The following CACNA1A variants were observed in gnomAD, a reference collection of about 807,000 sequenced individuals.
The protein encoded by CACNA1A is calcium voltage-gated channel subunit alpha1 A.
In CACNA1A, 57 loss-of-function variants were observed where a neutral mutation model predicts 262.4. That is an observed-to-expected ratio of 0.22 (90% CI 0.18 to 0.27). The LOEUF (loss-of-function observed/expected upper bound fraction) is 0.27, where lower values mean the gene tolerates loss of function less well. Among genes scored for constraint, CACNA1A ranks in the 10% least tolerant of loss-of-function variants. The probability of loss-of-function intolerance (pLI) is 1.00; values close to 1 mark genes in which losing one functional copy is unlikely to be tolerated. For synonymous variants in CACNA1A, 1,431 were observed against 1,419.3 expected (o/e 1.01, Z -0.18); for missense variants, 2,526 against 3,562.8 (o/e 0.71, Z 7.41).
chr19:13,234,756 C>T lies in CACNA1A; in HGVS notation c.5249+165G>A, dbSNP rs561817562. 6 of 425,830 alleles carry T rather than the reference C, an allele frequency of 1.4e-5. No individual in the cohort carries two copies. The Admixed American group carries it at 1.5e-4, about 10-fold the overall frequency. The allele number at this position is 425,830 out of a possible 1,614,324, so 26.4% of individuals were successfully genotyped here. ...TCCCCTACCGGAAGAGAAGGGCACG[C>T]CCCCTACCGGAAAAGAAGGGTGAGG... On this transcript the variant is annotated intron_variant, in intron 34 of 46. Transcript: ENST00000360228.
chr19:13,410,934 G>A (rs939720338), intron 3 of CACNA1A, among the ~76,000 whole-genome samples: 13 of 152,128 alleles, frequency 8.5e-5, no homozygotes, highest in Non-Finnish European at 1.9e-4. Flanking sequence ...CTTTAATGAT[G>A]GAGAGTAAGC....
In CACNA1A at chr19:13,420,591, G is replaced by T. The variant is rs1393538410; in HGVS notation, c.539+32285C>A. On this transcript the variant is annotated intron_variant, in intron 3 of 46. Coordinates refer to ENST00000360228, the MANE Select transcript of CACNA1A (RefSeq NM_001127222.2). ...CAAGGGTTGCCAGGAGCCACCAGAA[G>T]AGGCAAGGAAGAATTCTTTCCTAGA... Among the ~76,000 whole-genome samples, 4 of 152,160 alleles carry T rather than the reference G, an allele frequency of 2.6e-5. No individual in the cohort carries two copies. In the East Asian group the frequency reaches 7.7e-4, roughly 29 times the overall value.
intron 28 of CACNA1A, 51 bp from the exon 29 acceptor site, chr19:13,255,310 C>T: frequency 2.7e-6 from 4 of 1,507,506 alleles, no homozygotes; most frequent in Non-Finnish European, 3.6e-6. Flanking sequence ...AGGAAGGTGG[C>T]TGTACACCGG....
chr19:13,295,221 C>T (rs2057638463), intron 19 of CACNA1A, among the ~76,000 whole-genome samples: 2 of 152,062 alleles, frequency 1.3e-5, no homozygotes, highest in Non-Finnish European at 2.9e-5. Flanking sequence ...AAGATTGAAG[C>T]GAAAGAATGA....
rs1270741276 is a variant in CACNA1A, at chr19:13,334,524, C to T, written c.1083-31G>A. On this transcript the variant is annotated intron_variant, in intron 7 of 46. Coordinates refer to ENST00000360228, the MANE Select transcript of CACNA1A (RefSeq NM_001127222.2). ...GAAGCATAGAAAAGCCAGAGTATGG[C>T]TGTTTTGAAAATGTTAGGAAACGTT... The T allele has an allele frequency of 2.5e-6, 3 of 1,188,646 alleles. No homozygotes were observed. In the African/African-American group the frequency reaches 4.6e-5, roughly 18 times the overall value. The allele number at this position is 1,188,646 out of a possible 1,614,324, so 73.6% of individuals were successfully genotyped here. A position where few individuals can be genotyped will look rare whatever the true frequency, so the allele number is the denominator to read the frequency against.
intron 38 of CACNA1A, among the ~76,000 whole-genome samples, chr19:13,215,611 C>G (rs576003297): frequency 1.4e-5 from 2 of 138,912 alleles, no homozygotes; most frequent in African/African-American, 5.4e-5. Context: ...TGAGCCACCG[C>G]GTCTGGCCTG....
At chr19:13,484,651 G>A (rs536559503) in intron 1 of CACNA1A, among the ~76,000 whole-genome samples, 5 of 152,240 alleles carry the variant, frequency 3.3e-5, no homozygotes, top group African/African-American at 9.6e-5. Flanking sequence ...AGCAACCAGT[G>A]GAACTATTCA....
chr19:13,285,273 G>A (rs2057375095), intron 20 of CACNA1A, 67 bp from the exon 21 acceptor site: 4 of 1,583,408 alleles, frequency 2.5e-6, no homozygotes, highest in South Asian at 1.1e-5. Flanking sequence ...GAACTCCTGT[G>A]TACTCCCAGG....
In CACNA1A at chr19:13,317,182, C is replaced by G. The variant is rs770284756; in HGVS notation, c.1485G>C (p.Leu495Phe). The change falls in exon 11 of 47, where the codon TTG becomes TTC. Residue 495 changes from leucine to phenylalanine, a missense_variant. Leu to Phe is a conservative substitution (Grantham distance 22, BLOSUM62 0). Around this residue, in one of 17 missense-constraint regions of CACNA1A, gnomAD observed 102 missense variants for 278.9 expected, o/e 0.37. Transcript: ENST00000360228. ...CAACACACAGCGTGTTGAGAGCTACCAAACTGAGTACAGTCCAGTAGAAGG... is the reference window on the plus strand; with the variant it reads ...CAACACACAGCGTGTTGAGAGCTACGAAACTGAGTACAGTCCAGTAGAAGG... ...TQAFYWTVLS[L>F]VALNTLCVAI... is the part of the protein sequence containing the mutation. 1 of 1,613,558 alleles carries G rather than the reference C, an allele frequency of 6.2e-7. No individual in the cohort carries two copies. The highest frequency in any genetic ancestry group is 1.1e-5 in the South Asian group (1 of 91,028).
chr19:13,226,168 G>A (rs10413336), intron 37 of CACNA1A: 22,059 of 148,916 alleles, frequency 0.15, 1,788 homozygotes, highest in Non-Finnish European at 0.17. Flanking sequence ...ACAAAGACCA[G>A]GAGAGGAAGG....
At chr19:13,220,264 G>A (rs1369440261) in intron 38 of CACNA1A, among the ~76,000 whole-genome samples, 2 of 149,262 alleles carry the variant, frequency 1.3e-5, no homozygotes, top group Non-Finnish European at 3.0e-5. Flanking sequence ...TCTGTCTCAA[G>A]AAAAAAAAAA....
rs1458428330 is a variant in CACNA1A at position 13,441,895 on chromosome 19, G to A, written c.539+10981C>T. Among the ~76,000 whole-genome samples the A allele has an allele frequency of 2.6e-5, 4 of 152,250 alleles. No homozygotes were observed. In the East Asian group the frequency reaches 7.7e-4, roughly 29 times the overall value. On this transcript the variant is annotated intron_variant, in intron 3 of 46. Coordinates refer to ENST00000360228, the MANE Select transcript of CACNA1A (RefSeq NM_001127222.2). The stretch of plus-strand genomic sequence containing the variant: ...AAGACCTCAGTCGGCCCCCAAACCT[G>A]CGGAGAGATGGATGGCAAGGTCTTC...
intron 3 of CACNA1A, among the ~76,000 whole-genome samples, chr19:13,392,255 G>A (rs2059723822): frequency 6.6e-6 from 1 of 151,974 alleles, no homozygotes; most frequent in African/African-American, 2.4e-5. Flanking sequence ...GAGAAGAATG[G>A]GAAACTTAGT....
intron 27 of CACNA1A, chr19:13,257,759 T>TG: frequency 2.4e-6 from 1 of 413,550 alleles, no homozygotes; most frequent in Admixed American, 4.0e-5. Flanking sequence ...TTTTTTGAGA[T>TG]GGAGTTTCGC....
intron 30 of CACNA1A, among the ~76,000 whole-genome samples, chr19:13,247,803 C>A (rs1481158587): frequency 6.6e-6 from 1 of 152,188 alleles, no homozygotes; most frequent in Non-Finnish European, 1.5e-5. Flanking sequence ...TGGGGCCCTG[C>A]CCATAGCTCA....
chr19:13,451,545 C>T (rs2060915799), intron 3 of CACNA1A: 1 of 152,236 alleles, frequency 6.6e-6, no homozygotes, highest in Non-Finnish European at 1.5e-5. Flanking sequence ...AGGTCATTCT[C>T]CAAATCCATT....
chr19:13,413,915 G>GA lies in CACNA1A; in HGVS notation c.539+38960dup, dbSNP rs749911202. ...AAAGAAAAAGAAAGAAAGAAAGAAA[G>GA]AAAGAAAGAAAGAAAGAAAGAAAGA... is the stretch of plus-strand genomic sequence containing the variant. On this transcript the variant is annotated intron_variant, in intron 3 of 46. Coordinates refer to ENST00000360228, the MANE Select transcript of CACNA1A (RefSeq NM_001127222.2). Among the ~76,000 whole-genome samples the GA allele has an allele frequency of 5.6e-4, 54 of 95,898 alleles. 1 individual carries two copies. The highest frequency in any genetic ancestry group is 1.6e-3 in the African/African-American group (46 of 28,650). The allele number at this position is 95,898 out of a possible 152,430, so 62.9% of individuals were successfully genotyped here.
chr19:13,359,068 T>A (rs948220032), intron 6 of CACNA1A, among the ~76,000 whole-genome samples: 1 of 152,180 alleles, frequency 6.6e-6, no homozygotes, highest in Non-Finnish European at 1.5e-5. Context: ...CATATGAGAA[T>A]TGCACGCAAG....
At chr19:13,230,937 C>T (rs2144625749) in intron 35 of CACNA1A, among the ~76,000 whole-genome samples, 1 of 152,140 alleles carries the variant, frequency 6.6e-6, no homozygotes, top group South Asian at 2.1e-4. Flanking sequence ...CCAAATCCTC[C>T]CACATCTGCC....
Sources: gnomAD v4.1 joint callset for allele counts (sites outside exome capture counted in the v4.1 genomes callset) on GRCh38, gnomAD v4.1.1 for gene constraint, gnomAD v4.1.1 regional missense constraint, MANE v1.5 for transcripts, NCBI Gene and HGNC (gene_info 2026-07-23, HGNC 2026-07-21) for gene names.